Variants in CYP20A1 observed in about 807,000 individuals in gnomAD.
The protein encoded by CYP20A1 is cytochrome P450 family 20 subfamily A member 1, also known as cytochrome P450 20A1.
A neutral mutation model predicts 61.4 loss-of-function variants in CYP20A1; 61 were observed. That is an observed-to-expected ratio of 0.99 (90% CI 0.81 to 1.23). The LOEUF (loss-of-function observed/expected upper bound fraction) is 1.23. CYP20A1 is among the 50% of genes most tolerant of loss of function. The pLI, the probability that CYP20A1 is intolerant of heterozygous loss-of-function variation, is 0.00. For missense variants in CYP20A1, 530 were observed against 542.4 expected, an observed-to-expected ratio of 0.98 and a Z score of 0.23; for synonymous variants, 193 against 188.2, an observed-to-expected ratio of 1.03 and a Z score of -0.21.
intron 7 of CYP20A1, 60 bp downstream of exon 7, chr2:203,278,748 C>A: frequency 1.1e-6 from 1 of 879,760 alleles, no homozygotes; most frequent in Non-Finnish European, 1.7e-6. Flanking sequence ...GGCACAATGG[C>A]TCATGACTGT....
intron 4 of CYP20A1, among the ~76,000 whole-genome samples, chr2:203,258,288 G>C (rs1319081014): frequency 6.6e-6 from 1 of 151,550 alleles, no homozygotes; most frequent in Non-Finnish European, 1.5e-5. Context: ...CAGGAGGAAG[G>C]ATCGCATCAG....
rs763764173 is a variant in CYP20A1, at chr2:203,301,914, CTTTTTTTTTTTT to C, written c.*5017_*5028del. Reference sequence around the variant, plus strand: ...TTTGAAGTTAACCACTGTTAAGATTCTTTTTTTTTTTTTTTTTTTTTTGTTTTGAGACTGAGT... The same window carrying C: ...TTTGAAGTTAACCACTGTTAAGATTCTTTTTTTTTTGTTTTGAGACTGAGT... On this transcript the variant is annotated 3_prime_UTR_variant, in exon 13 of 13. Coordinates refer to ENST00000356079, the MANE Select transcript of CYP20A1 (RefSeq NM_177538.3). Among the ~76,000 whole-genome samples the C allele has an allele frequency of 2.9e-5, 3 of 103,570 alleles. No homozygotes were observed. The East Asian group carries it at 9.3e-4, about 32-fold the overall frequency. The allele number at this position is 103,570 out of a possible 152,430, so 67.9% of individuals were successfully genotyped here.
At position 203,285,657 on chromosome 2, in the gene CYP20A1, A is replaced by G; in HGVS notation, c.896A>G (p.Gln299Arg). 1 of 1,582,410 alleles carries G rather than the reference A, an allele frequency of 6.3e-7. No homozygotes were observed. Among genetic ancestry groups the G allele is most frequent in the Non-Finnish European group, 8.6e-7 (1 of 1,165,896 alleles). Residue 299 changes from glutamine to arginine, a missense_variant, in exon 9 of 13, where the codon CAA (glutamine) becomes CGA (arginine). Gln to Arg is a conservative substitution (Grantham distance 43). Coordinates refer to ENST00000356079, the MANE Select transcript of CYP20A1 (RefSeq NM_177538.3). ...ICFLTTSEEV[Q>R]KKLYEEINQV... is the part of the protein sequence containing the mutation. ...TTTTTAACCACCTCTGAAGAAGTTC[A>G]AAAAAAATTATATGAAGAGATAAAC...
chr2:203,251,806 T>TATATATATGTGTAC, intron 3 of CYP20A1, among the ~76,000 whole-genome samples, 161 bp from the exon 4 acceptor site: 2 of 105,358 alleles, frequency 1.9e-5, no homozygotes, highest in African/African-American at 5.7e-5. Flanking sequence ...TATATATATA[T>TATATATATGTGTAC]ATATATATAT....
chr2:203,289,723 C>T, intron 9 of CYP20A1, 42 bp from the exon 10 acceptor site: 3 of 1,102,406 alleles, frequency 2.7e-6, no homozygotes, highest in East Asian at 2.5e-5. Context: ...TTCTAACTGC[C>T]TCCCAAAATA....
At chr2:203,264,366 A>G (rs2067247734) in intron 4 of CYP20A1, among the ~76,000 whole-genome samples, 1 of 152,080 alleles carries the variant, frequency 6.6e-6, no homozygotes, top group African/African-American at 2.4e-5. Context: ...TATTCTTGGT[A>G]CTGACTACTT....
At position 203,278,589 on chromosome 2, in the gene CYP20A1, G is replaced by C. The variant is rs1228583078; in HGVS notation, c.696G>C (p.Glu232Asp). ...TTCTCTAAGCCCTCATGCAACTGGAGTCTGTTTTAAGGAACATCATAAAAG... is the reference window on the plus strand; with the variant it reads ...TTCTCTAAGCCCTCATGCAACTGGACTCTGTTTTAAGGAACATCATAAAAG... ...KQYEDALMQL[E>D]SVLRNIIKER... Residue 232 changes from glutamate (E) to aspartate (D), a missense_variant, in exon 7 of 13, where the codon GAG (glutamate) becomes GAC (aspartate). Glu to Asp is a conservative substitution (Grantham distance 45). Coordinates refer to ENST00000356079, the MANE Select transcript of CYP20A1 (RefSeq NM_177538.3). 3 of 1,578,314 alleles carry C rather than the reference G, an allele frequency of 1.9e-6. No homozygotes were observed. Among genetic ancestry groups the C allele is most frequent in the South Asian group, 2.4e-5 (2 of 83,350 alleles).
intron 4 of CYP20A1, 138 bp downstream of exon 4, chr2:203,252,247 G>A (rs965920581): frequency 1.8e-5 from 12 of 659,654 alleles, no homozygotes; most frequent in African/African-American, 5.6e-5. Context: ...AATTAAAAAC[G>A]ACAACAATAA....
Position 203,265,139 on chromosome 2 carries a change from T to G in CYP20A1, c.433-1375T>G, listed in dbSNP as rs563149571. Reference sequence around the variant, plus strand: ...TTTAATATTTGTTTAGAGTAGGACTTTTCACTTTTGGCAGTATTCAAACTT... The same window carrying G: ...TTTAATATTTGTTTAGAGTAGGACTGTTCACTTTTGGCAGTATTCAAACTT... On this transcript the variant is annotated intron_variant, in intron 4 of 12. Transcript: ENST00000356079. Among the ~76,000 whole-genome samples the G allele has an allele frequency of 2.0e-5, 3 of 152,338 alleles. No homozygotes were observed. In the South Asian group the frequency reaches 6.2e-4, roughly 32 times the overall value.
At chr2:203,244,547 T>G (rs1004461149) in intron 1 of CYP20A1, among the ~76,000 whole-genome samples, 6 of 151,424 alleles carry the variant, frequency 4.0e-5, no homozygotes, top group African/African-American at 1.5e-4. Context: ...ATGAAAGTGG[T>G]AGAATGGACC....
chr2:203,288,168 C>T (rs2068376240), intron 9 of CYP20A1, among the ~76,000 whole-genome samples: 1 of 144,810 alleles, frequency 6.9e-6, no homozygotes, highest in South Asian at 2.3e-4. Flanking sequence ...TGGGTTCAAA[C>T]GATTCTCATG....
In CYP20A1 at chr2:203,301,033, C is replaced by T. The variant is rs1410570739; in HGVS notation, c.*4125C>T. On this transcript the variant is annotated 3_prime_UTR_variant, in exon 13 of 13. Transcript: ENST00000356079. ...CCAACATGGAGAAACTTCATCTCTACTAAAAATACAAAATTAGCCGGGCGT... is the reference window on the plus strand; with the variant it reads ...CCAACATGGAGAAACTTCATCTCTATTAAAAATACAAAATTAGCCGGGCGT... 2.6e-5 allele frequency among the ~76,000 whole-genome samples: 4 copies of T among 151,638 alleles called. No homozygotes were observed. The highest frequency in any genetic ancestry group is 5.9e-5 in the Non-Finnish European group (4 of 67,936).
chr2:203,294,794 C>G (rs1308392058), intron 11 of CYP20A1, among the ~76,000 whole-genome samples: 3 of 151,016 alleles, frequency 2.0e-5, no homozygotes, highest in African/African-American at 7.3e-5. Context: ...ACCACCACGC[C>G]CAGCTAATTT....
At chr2:203,295,354 C>T (rs966132874) in intron 11 of CYP20A1, among the ~76,000 whole-genome samples, 3 of 152,022 alleles carry the variant, frequency 2.0e-5, no homozygotes, top group Admixed American at 6.6e-5. Flanking sequence ...GGATTACAGG[C>T]GTGAGCCACT....
intron 8 of CYP20A1, among the ~76,000 whole-genome samples, chr2:203,283,610 G>A (rs2068137411): frequency 2.7e-5 from 4 of 146,780 alleles, no homozygotes; most frequent in South Asian, 2.2e-4. Context: ...GTGCAGTGGC[G>A]CCATCTCGGC....
chr2:203,270,254 T>A (rs1478492526), intron 5 of CYP20A1, among the ~76,000 whole-genome samples: 2 of 152,212 alleles, frequency 1.3e-5, no homozygotes, highest in East Asian at 3.9e-4. Context: ...AGCCAGACCC[T>A]GTCTTAAAAA....
intron 3 of CYP20A1, 32 bp downstream of exon 3, chr2:203,246,953 C>T: frequency 2.5e-6 from 4 of 1,598,956 alleles, no homozygotes; most frequent in Non-Finnish European, 3.4e-6. Flanking sequence ...ATTACCTGAT[C>T]CTTACCTTTT....
At chr2:203,245,994 C>G in intron 2 of CYP20A1, 99 bp downstream of exon 2, 5 of 796,370 alleles carry the variant, frequency 6.3e-6, no homozygotes, top group Non-Finnish European at 8.0e-6. Flanking sequence ...CTGTTGCCAG[C>G]TACTGAGGAG....
chr2:203,291,220 A>G (rs2068519983), intron 10 of CYP20A1, among the ~76,000 whole-genome samples: 1 of 151,948 alleles, frequency 6.6e-6, no homozygotes, highest in African/African-American at 2.4e-5. Context: ...TATTTTTTAT[A>G]AAGACAGAGT....
Sources: gnomAD v4.1 joint callset for allele counts (sites outside exome capture counted in the v4.1 genomes callset) on GRCh38, gnomAD v4.1.1 for gene constraint, MANE v1.5 for transcripts, NCBI Gene and HGNC (gene_info 2026-07-23, HGNC 2026-07-21) for gene names.